The following SYN3 variants were observed in gnomAD, a reference collection of about 807,000 sequenced individuals.
The protein encoded by SYN3 is synapsin III.
SYN3 carries 35 observed loss-of-function variants against 65.8 expected under a neutral mutation model. The observed-to-expected ratio is 0.53, with a 90% confidence interval of 0.41 to 0.70. The LOEUF (loss-of-function observed/expected upper bound fraction) is 0.70, where lower values mean the gene tolerates loss of function less well. SYN3 is among the 30% of genes least tolerant of loss of function. SYN3 has a pLI of 0.00. For missense variants in SYN3, 680 were observed against 749.0 expected, an observed-to-expected ratio of 0.91 and a Z score of 1.08; for synonymous variants, 270 against 292.9, an observed-to-expected ratio of 0.92 and a Z score of 0.80.
At chr22:32,976,248 A>G (rs974979828) in intron 3 of SYN3, among the ~76,000 whole-genome samples, 2 of 152,190 alleles carry the variant, frequency 1.3e-5, no homozygotes, top group Non-Finnish European at 2.9e-5. Context: ...ATGTAAATCC[A>G]TGGGTCGTTC....
chr22:32,579,595 C>T (rs2058905704), intron 7 of SYN3, among the ~76,000 whole-genome samples: 2 of 152,192 alleles, frequency 1.3e-5, no homozygotes, highest in African/African-American at 4.8e-5. Context: ...TTTAGGAAGA[C>T]ACCAACATTC....
At chr22:32,776,892 C>T (rs2045920705) in intron 6 of SYN3, among the ~76,000 whole-genome samples, 1 of 152,162 alleles carries the variant, frequency 6.6e-6, no homozygotes, top group South Asian at 2.1e-4. Flanking sequence ...GCAGGAGCCG[C>T]CCCCTATCCC....
intron 6 of SYN3, among the ~76,000 whole-genome samples, chr22:32,688,607 G>A (rs1391030746): frequency 6.6e-6 from 1 of 152,064 alleles, no homozygotes; most frequent in Non-Finnish European, 1.5e-5. Flanking sequence ...AAGCTTGGAT[G>A]GTAGCCCATG....
intron 4 of SYN3, among the ~76,000 whole-genome samples, chr22:32,878,557 C>T (rs2049040463): frequency 1.3e-5 from 2 of 152,204 alleles, no homozygotes; most frequent in South Asian, 2.1e-4. Context: ...CCTGCCACTA[C>T]CCCAGGGGGC....
chr22:32,817,039 A>G (rs2047104326), intron 6 of SYN3, among the ~76,000 whole-genome samples: 1 of 149,806 alleles, frequency 6.7e-6, no homozygotes, highest in Non-Finnish European at 1.5e-5. Context: ...GTCACATAGT[A>G]AGATTCCCTG....
At chr22:32,958,566 A>G (rs1197379848) in intron 3 of SYN3, among the ~76,000 whole-genome samples, 4 of 152,240 alleles carry the variant, frequency 2.6e-5, no homozygotes, top group Non-Finnish European at 5.9e-5. Context: ...CTATATTTGT[A>G]TTAGATTTAA....
At chr22:33,033,036 G>C (rs968842868) in intron 1 of SYN3, among the ~76,000 whole-genome samples, 2 of 151,708 alleles carry the variant, frequency 1.3e-5, no homozygotes, top group Middle Eastern at 3.2e-3. Flanking sequence ...TTTTGAGATG[G>C]AGTTTCGCTC....
At chr22:32,731,998 T>C (rs767903143) in intron 6 of SYN3, among the ~76,000 whole-genome samples, 1 of 152,216 alleles carries the variant, frequency 6.6e-6, no homozygotes, top group Non-Finnish European at 1.5e-5. Flanking sequence ...ACTGAGAAAA[T>C]GCATGCAAAG....
intron 2 of SYN3, among the ~76,000 whole-genome samples, chr22:32,991,013 G>A (rs1371693240): frequency 1.3e-5 from 2 of 151,984 alleles, no homozygotes; most frequent in African/African-American, 4.8e-5. Context: ...GTGAAACTTT[G>A]TCTCTCCTAA....
chr22:32,891,598 C>T (rs1186303812), intron 4 of SYN3, among the ~76,000 whole-genome samples: 1 of 152,208 alleles, frequency 6.6e-6, no homozygotes, highest in African/African-American at 2.4e-5. Context: ...CGGTTCATAT[C>T]CTGGACCAGC....
chr22:33,034,045 G>C (rs1043588439), intron 1 of SYN3, among the ~76,000 whole-genome samples: 2 of 151,664 alleles, frequency 1.3e-5, no homozygotes, highest in African/African-American at 2.4e-5. Flanking sequence ...AATTAGCCCG[G>C]TGTGATGGTG....
In SYN3 at chr22:32,844,561, G is replaced by A. The variant is rs5754310; in HGVS notation, c.711+20354C>T. Among the ~76,000 whole-genome samples the A allele has an allele frequency of 3.5e-4, 54 of 152,258 alleles. No individual in the cohort carries two copies. The East Asian group carries it at 8.3e-3, about 23-fold the overall frequency. On this transcript the variant is annotated intron_variant, in intron 6 of 13. Coordinates refer to ENST00000358763, the MANE Select transcript of SYN3 (RefSeq NM_003490.4). ...TGCCTCTATGCCTGGCTTCTCAGGC[G>A]CATGATATATTCAAGAGGGCCCCAT...
chr22:33,021,486 T>A (rs187853231), intron 1 of SYN3, among the ~76,000 whole-genome samples: 1 of 152,188 alleles, frequency 6.6e-6, no homozygotes, highest in Admixed American at 6.5e-5. Context: ...CCTACAATGG[T>A]ACATTAGATA....
intron 4 of SYN3, among the ~76,000 whole-genome samples, chr22:32,923,134 G>A (rs935606509): frequency 8.5e-5 from 13 of 152,134 alleles, no homozygotes; most frequent in Admixed American, 7.9e-4. Context: ...AGTGTCAACC[G>A]TATAATTTCC....
chr22:32,545,567 C>T (rs1167261168), intron 7 of SYN3, among the ~76,000 whole-genome samples: 2 of 150,980 alleles, frequency 1.3e-5, no homozygotes, highest in Admixed American at 6.6e-5. Flanking sequence ...CTCTCTCTCT[C>T]TTTTTTTTTG....
intron 3 of SYN3, among the ~76,000 whole-genome samples, chr22:32,940,164 A>C (rs2050894146): frequency 6.6e-6 from 1 of 152,186 alleles, no homozygotes; most frequent in Non-Finnish European, 1.5e-5. Context: ...CATTTGGTGA[A>C]GTGCCTGTTC....
In SYN3 at chr22:33,013,909, T is replaced by C. The variant is rs559526108; in HGVS notation, c.-162-7085A>G. Among the ~76,000 whole-genome samples the C allele has an allele frequency of 8.6e-5, 13 of 150,724 alleles. No homozygotes were observed. In the East Asian group the frequency reaches 2.5e-3, roughly 29 times the overall value. On this transcript the variant is annotated intron_variant, in intron 1 of 13. Coordinates refer to ENST00000358763, the MANE Select transcript of SYN3 (RefSeq NM_003490.4). ...AGCAAATAGCAGAATTTTCCCCTCC[T>C]TTTTTTTTGGTCTGAGATGGGGTCT...
intron 10 of SYN3, among the ~76,000 whole-genome samples, chr22:32,530,899 G>C (rs1161873073): frequency 6.6e-6 from 1 of 151,750 alleles, no homozygotes; most frequent in Non-Finnish European, 1.5e-5. Context: ...CCAGCTACTC[G>C]GGAGGCTGAG....
intron 2 of SYN3, among the ~76,000 whole-genome samples, chr22:33,002,435 AG>A (rs780426865): frequency 1.6e-4 from 25 of 152,168 alleles, no homozygotes; most frequent in Non-Finnish European, 2.6e-4. Context: ...TGAGGTCAGG[AG>A]ATCGAGACCC....
Sources: allele counts gnomAD v4.1 joint callset (sites outside exome capture counted in the v4.1 genomes callset), GRCh38; gene constraint gnomAD v4.1.1; transcripts MANE v1.5; gene names NCBI Gene and HGNC (gene_info 2026-07-23, HGNC 2026-07-21).